Variants in TAF5L observed in about 807,000 individuals in gnomAD.
The protein encoded by TAF5L is TAF5-like RNA polymerase II p300/CBP-associated factor-associated factor 65 kDa subunit 5L.
Under a neutral mutation model 51.3 loss-of-function variants are expected in TAF5L, and 7 were observed. The ratio of observed to expected loss-of-function variants is 0.14; its 90% CI spans 0.08 to 0.26. The LOEUF (loss-of-function observed/expected upper bound fraction) is 0.26. Ranked by LOEUF, TAF5L falls within the 10% of genes least tolerant of loss-of-function variation. The pLI is 1.00. For synonymous variants in TAF5L, 291 were observed against 308.1 expected, an observed-to-expected ratio of 0.94 and a Z score of 0.58; for missense variants, 575 against 758.9, an observed-to-expected ratio of 0.76 and a Z score of 2.85.
Position 229,594,124 on chromosome 1 carries a change from T to G in TAF5L, c.*173A>C. The G allele has an allele frequency of 1.4e-6, 1 of 698,528 alleles. No individual in the cohort carries two copies. The highest frequency in any genetic ancestry group is 2.8e-5 in the East Asian group (1 of 35,580). The allele number at this position is 698,528 out of a possible 1,614,324, so 43.3% of individuals were successfully genotyped here. A position where few individuals can be genotyped will look rare whatever the true frequency, so the allele number is the denominator to read the frequency against. ...CTCTCTCCTGTTCCCCTCCCCAACC[T>G]TGGCCTTCGACACTGGGGGGCTGAG... On this transcript the variant is annotated 3_prime_UTR_variant, in exon 5 of 5. Transcript: ENST00000258281. The surrounding 1 kb of genome is among the most constrained non-coding windows in gnomAD (Gnocchi z 7.9).
Position 229,602,726 on chromosome 1 carries a change from C to T in TAF5L, c.441G>A (p.Gln147=), listed in dbSNP as rs199583187. 4 of 1,614,144 alleles carry T rather than the reference C, an allele frequency of 2.5e-6. No homozygotes were observed. The highest frequency in any genetic ancestry group is 2.2e-5 in the East Asian group (1 of 44,874). ...GAAGCTTGAAGTTAGATAGGATGTC[C>T]TGGATGGTTTGAGTGGTCTGTAGCT... The change falls in exon 4 of 5, where the codon CAG becomes CAA. Residue 147 remains glutamine, a synonymous_variant. Transcript: ENST00000258281. This position sits in a 1 kb window ranked among gnomAD's most constrained non-coding sequence, Gnocchi z 4.6.
intron 3 of TAF5L, among the ~76,000 whole-genome samples, chr1:229,605,698 C>T (rs1243992188): frequency 6.6e-6 from 1 of 151,688 alleles, no homozygotes; most frequent in Non-Finnish European, 1.5e-5. Context: ...GGGCCTCATC[C>T]AATCAATCAA....
At chr1:229,601,762 G>C in intron 4 of TAF5L, 1 of 1,013,514 alleles carries the variant, frequency 9.9e-7, no homozygotes, top group Non-Finnish European at 1.2e-6. Flanking sequence ...CTGTGAAATG[G>C]CACAACCTTC....
At chr1:229,624,128 T>C (rs1665327551) in intron 1 of TAF5L, among the ~76,000 whole-genome samples, 1 of 152,202 alleles carries the variant, frequency 6.6e-6, no homozygotes, top group Non-Finnish European at 1.5e-5. Flanking sequence ...CCCAGAGATG[T>C]CCTTCACAGG....
At chr1:229,607,117 C>T in intron 3 of TAF5L, 1 of 985,440 alleles carries the variant, frequency 1.0e-6, no homozygotes, top group Non-Finnish European at 1.2e-6. Flanking sequence ...ATAAACCCTT[C>T]TGACTTATTT....
intron 4 of TAF5L, chr1:229,599,240 A>T: frequency 1.1e-6 from 1 of 927,536 alleles, no homozygotes; most frequent in Non-Finnish European, 1.3e-6. Flanking sequence ...AGAAAATTTT[A>T]AGCTTACATA....
intron 2 of TAF5L, among the ~76,000 whole-genome samples, chr1:229,611,735 C>T (rs1163819150): frequency 6.6e-6 from 1 of 152,168 alleles, no homozygotes; most frequent in African/African-American, 2.4e-5. Context: ...CTAGTTTCCT[C>T]GATTCTAATC....
chr1:229,600,076 C>A, intron 4 of TAF5L: 1 of 977,820 alleles, frequency 1.0e-6, no homozygotes, highest in African/African-American at 1.8e-5. Context: ...TATTTCATTT[C>A]AAAATAATAG....
At chr1:229,620,954 TTATG>T (rs1665178160) in intron 1 of TAF5L, among the ~76,000 whole-genome samples, 1 of 112,012 alleles carries the variant, frequency 8.9e-6, no homozygotes, top group South Asian at 3.0e-4. Flanking sequence ...ATTAAAACAT[TTATG>T]TGTGTGTGTG....
intron 1 of TAF5L, among the ~76,000 whole-genome samples, chr1:229,618,903 A>G (rs1293434986): frequency 6.6e-6 from 1 of 152,194 alleles, no homozygotes; most frequent in Non-Finnish European, 1.5e-5. Context: ...CCCTGCCCCA[A>G]TAAGGTGGCA....
rs201859507 is a variant in TAF5L at position 229,602,744 on chromosome 1, C to G, written c.423G>C (p.Gln141His). The G allele has an allele frequency of 1.2e-5, 19 of 1,614,130 alleles. No individual in the cohort carries two copies. Among genetic ancestry groups the G allele is most frequent in the Non-Finnish European group, 1.5e-5 (18 of 1,180,032 alleles). Reference sequence around the variant, plus strand: ...GGATGTCCTGGATGGTTTGAGTGGTCTGTAGCTGCTCAATGACATCCTTCT... The same window carrying G: ...GGATGTCCTGGATGGTTTGAGTGGTGTGTAGCTGCTCAATGACATCCTTCT... Residue 141 changes from glutamine to histidine, a missense_variant, in exon 4 of 5, where the codon CAG becomes CAC. Around this residue, in one of 3 missense-constraint regions of TAF5L, gnomAD observed 380 missense variants for 443.7 expected, o/e 0.86. Coordinates refer to ENST00000258281, the Ensembl canonical transcript of TAF5L. This position sits in a 1 kb window ranked among gnomAD's most constrained non-coding sequence, Gnocchi z 4.6.
At chr1:229,604,388 G>A (rs1664505609) in intron 3 of TAF5L, among the ~76,000 whole-genome samples, 1 of 152,044 alleles carries the variant, frequency 6.6e-6, no homozygotes, top group African/African-American at 2.4e-5. Flanking sequence ...ATTATTTAGA[G>A]GATGAAAAAT....
rs1009816664 is a variant in TAF5L, at chr1:229,607,596, C to T, written c.247+2510G>A. On this transcript the variant is annotated intron_variant, in intron 3 of 4. Transcript: ENST00000258281. ...GCTCAGTAAAGCCTTCTCTGACTAC[C>T]GCCAACCAAATCACTTTCTCCTTTC... Among the ~76,000 whole-genome samples, 14 of 152,320 alleles carry T rather than the reference C, an allele frequency of 9.2e-5. No individual in the cohort carries two copies. In the East Asian group the frequency reaches 9.6e-4, roughly 10 times the overall value.
chr1:229,598,225 A>G (rs943248359), intron 4 of TAF5L, among the ~76,000 whole-genome samples: 4 of 152,190 alleles, frequency 2.6e-5, no homozygotes, highest in Non-Finnish European at 2.9e-5. Context: ...TTCATGAATG[A>G]TTTTTTATAT....
chr1:229,597,360 C>G (rs1055490039), intron 4 of TAF5L, among the ~76,000 whole-genome samples: 1 of 152,214 alleles, frequency 6.6e-6, no homozygotes, highest in Non-Finnish European at 1.5e-5. Flanking sequence ...GGCTGGGAGT[C>G]CAGCTGGTGC....
chr1:229,622,059 A>ATCTCTCTC (rs1219904054), intron 1 of TAF5L, among the ~76,000 whole-genome samples: 2 of 151,460 alleles, frequency 1.3e-5, no homozygotes, highest in African/African-American at 4.9e-5. Flanking sequence ...CTATCTATCT[A>ATCTCTCTC]TCTATCTATA....
At chr1:229,595,844 T>C (rs1008844134) in intron 4 of TAF5L, among the ~76,000 whole-genome samples, 5 of 152,182 alleles carry the variant, frequency 3.3e-5, no homozygotes, top group African/African-American at 1.2e-4. Context: ...TTTGTATTTT[T>C]AGTAGAGATG....
chr1:229,600,188 C>T, intron 4 of TAF5L: 1 of 985,422 alleles, frequency 1.0e-6, no homozygotes, highest in Non-Finnish European at 1.2e-6. Context: ...GCCTGGCTTT[C>T]TCCCCAAATG....
intron 4 of TAF5L, chr1:229,601,595 G>A: frequency 2.0e-6 from 2 of 985,948 alleles, no homozygotes; most frequent in Non-Finnish European, 2.4e-6. Flanking sequence ...AGGGGAGCTG[G>A]CAACTCTACT....
Sources: gnomAD v4.1 joint callset for allele counts (sites outside exome capture counted in the v4.1 genomes callset) on GRCh38, gnomAD v4.1.1 for gene constraint, gnomAD v4.1.1 regional missense constraint, Gnocchi (gnomAD v3.1) non-coding constraint, MANE v1.5 for transcripts, NCBI Gene and HGNC (gene_info 2026-07-23, HGNC 2026-07-21) for gene names.